Variants in ADCY1 observed in about 807,000 individuals in gnomAD.
ADCY1 encodes adenylate cyclase type 1.
A neutral mutation model predicts 105.4 loss-of-function variants in ADCY1; 28 were observed. The ratio of observed to expected loss-of-function variants is 0.27; its 90% CI spans 0.20 to 0.36. The LOEUF is 0.36. ADCY1 is among the 10% of genes least tolerant of loss of function. ADCY1 has a pLI of 1.00. For missense variants in ADCY1, 977 were observed against 1,434.2 expected (o/e 0.68, Z 5.15); for synonymous variants, 655 against 623.8 (o/e 1.05, Z -0.75).
chr7:45,667,504 C>A (rs1261261033), intron 8 of ADCY1, among the ~76,000 whole-genome samples: 1 of 152,164 alleles, frequency 6.6e-6, no homozygotes, highest in African/African-American at 2.4e-5. Context: ...GTTTTGGTAC[C>A]AGTACCATGC....
chr7:45,585,012 C>T lies in ADCY1; in HGVS notation c.640-7747C>T, dbSNP rs1366673778. On this transcript the variant is annotated intron_variant, in intron 1 of 19. Coordinates refer to ENST00000297323, the MANE Select transcript of ADCY1 (RefSeq NM_021116.4). ...CAGTGAGCATTCTGGTTGGTCACCT[C>T]GGTGTGCACCATGTGCCAGCCAGTG... Among the ~76,000 whole-genome samples the T allele has an allele frequency of 3.9e-5, 6 of 152,336 alleles. No individual in the cohort carries two copies. The East Asian group carries it at 9.6e-4, about 24-fold the overall frequency.
At chr7:45,597,948 G>T (rs1443527996) in intron 2 of ADCY1, among the ~76,000 whole-genome samples, 2 of 152,140 alleles carry the variant, frequency 1.3e-5, no homozygotes, top group African/African-American at 4.8e-5. Flanking sequence ...GAGCTAAAAT[G>T]ACCCCTCCTC....
intron 2 of ADCY1, among the ~76,000 whole-genome samples, chr7:45,603,591 A>G (rs1793299094): frequency 6.6e-6 from 1 of 152,174 alleles, no homozygotes; most frequent in Admixed American, 6.5e-5. Context: ...CATCTGCAGA[A>G]CTGTGGTACA....
intron 4 of ADCY1, among the ~76,000 whole-genome samples, chr7:45,624,537 T>C (rs1216458741): frequency 1.3e-5 from 2 of 152,126 alleles, no homozygotes; most frequent in Non-Finnish European, 2.9e-5. Context: ...CAACTGGATC[T>C]CAAGACCTTT....
intron 8 of ADCY1, among the ~76,000 whole-genome samples, chr7:45,672,076 A>G (rs1248757012): frequency 6.6e-6 from 1 of 152,176 alleles, no homozygotes; most frequent in Non-Finnish European, 1.5e-5. Context: ...ATAGTTTTAC[A>G]TTTGATAGTT....
intron 2 of ADCY1, among the ~76,000 whole-genome samples, chr7:45,597,610 C>T (rs2115803042): frequency 6.6e-6 from 1 of 152,320 alleles, no homozygotes; most frequent in Admixed American, 6.5e-5. Flanking sequence ...TGTTTAGTGT[C>T]AATAGCCCTG....
At chr7:45,693,695 G>A (rs1317314314) in intron 14 of ADCY1, among the ~76,000 whole-genome samples, 10 of 151,066 alleles carry the variant, frequency 6.6e-5, no homozygotes, top group Non-Finnish European at 1.5e-4. Context: ...ATTCACAATA[G>A]CAAAGACTTG....
chr7:45,654,827 C>G (rs544291858), intron 5 of ADCY1, among the ~76,000 whole-genome samples: 1 of 152,160 alleles, frequency 6.6e-6, no homozygotes, highest in Non-Finnish European at 1.5e-5. Context: ...TCTTTATATT[C>G]TAGATCGAGA....
chr7:45,678,095 G>A, intron 9 of ADCY1, 32 bp downstream of exon 9: 1 of 1,613,862 alleles, frequency 6.2e-7, no homozygotes, highest in Non-Finnish European at 8.5e-7. Flanking sequence ...CTTCCCTGGT[G>A]CTGCTTGCGA....
intron 6 of ADCY1, 144 bp from the exon 7 acceptor site, chr7:45,659,898 T>C: frequency 1.9e-6 from 2 of 1,030,458 alleles, no homozygotes; most frequent in Non-Finnish European, 2.8e-6. Context: ...TGGACGGACT[T>C]GCATGGGAGC....
At chr7:45,634,524 A>G (rs1794346926) in intron 4 of ADCY1, among the ~76,000 whole-genome samples, 1 of 151,276 alleles carries the variant, frequency 6.6e-6, no homozygotes, top group African/African-American at 2.4e-5. Context: ...TAGTCTGCTC[A>G]TATAATGAAT....
chr7:45,681,880 G>A (rs187400900), intron 11 of ADCY1, among the ~76,000 whole-genome samples: 2 of 152,244 alleles, frequency 1.3e-5, no homozygotes, highest in East Asian at 1.9e-4. Context: ...TGAGAAGGCC[G>A]GGTAGAAATG....
At chr7:45,607,201 G>A (rs1332411755) in intron 2 of ADCY1, among the ~76,000 whole-genome samples, 1 of 152,168 alleles carries the variant, frequency 6.6e-6, no homozygotes. Flanking sequence ...TGTGACAGTG[G>A]CTTACAGAAG....
At chr7:45,668,083 A>G (rs982500680) in intron 8 of ADCY1, among the ~76,000 whole-genome samples, 5 of 152,206 alleles carry the variant, frequency 3.3e-5, no homozygotes, top group African/African-American at 1.2e-4. Context: ...AACAGGGACA[A>G]TTTGACTTCC....
In ADCY1 at chr7:45,686,275, A is replaced by G. The variant is rs1347757569; in HGVS notation, c.2327+60A>G. ...CAGCGGTGCTACTGAATCTGTGTAT[A>G]CAGATATGCACTACAGGCTTCTGAG... is the stretch of plus-strand genomic sequence containing the variant. On this transcript the variant is annotated intron_variant, in intron 13 of 19. Transcript: ENST00000297323. This position sits in a 1 kb window ranked among gnomAD's most constrained non-coding sequence, Gnocchi z 4.3. 1 of 1,562,884 alleles carries G rather than the reference A, an allele frequency of 6.4e-7. No homozygotes were observed. Among genetic ancestry groups the G allele is most frequent in the East Asian group, 2.3e-5 (1 of 44,436 alleles).
chr7:45,612,439 G>C (rs1243742463), intron 3 of ADCY1, among the ~76,000 whole-genome samples: 2 of 152,146 alleles, frequency 1.3e-5, no homozygotes, highest in African/African-American at 4.8e-5. Flanking sequence ...TATCTGCCTT[G>C]ACTTTTGTCA....
At chr7:45,624,527 C>T (rs1793997024) in intron 4 of ADCY1, among the ~76,000 whole-genome samples, 1 of 152,038 alleles carries the variant, frequency 6.6e-6, no homozygotes, top group Non-Finnish European at 1.5e-5. Context: ...ACTGACTTTA[C>T]AACTGGATCT....
intron 3 of ADCY1, among the ~76,000 whole-genome samples, chr7:45,617,631 A>G (rs373985768): frequency 6.6e-6 from 1 of 152,256 alleles, no homozygotes; most frequent in African/African-American, 2.4e-5. Flanking sequence ...AAAGAAGTCT[A>G]GAAAGCAATG....
chr7:45,679,885 G>A, intron 11 of ADCY1, 92 bp downstream of exon 11: 2 of 1,459,894 alleles, frequency 1.4e-6, no homozygotes, highest in Non-Finnish European at 1.9e-6. Context: ...ACCTGGTCCA[G>A]GTATGAGGGT....
Sources: gnomAD v4.1 joint callset for allele counts (sites outside exome capture counted in the v4.1 genomes callset) on GRCh38, gnomAD v4.1.1 for gene constraint, Gnocchi (gnomAD v3.1) non-coding constraint, MANE v1.5 for transcripts, NCBI Gene and HGNC (gene_info 2026-07-23, HGNC 2026-07-21) for gene names.